The following PKHD1 variants were observed in gnomAD, a reference collection of about 807,000 sequenced individuals.
PKHD1 encodes the protein PKHD1 ciliary IPT domain containing fibrocystin/polyductin, also known as fibrocystin.
Under a neutral mutation model 412.0 loss-of-function variants are expected in PKHD1, and 291 were observed. That is an observed-to-expected ratio of 0.71 (90% CI 0.64 to 0.78). The LOEUF (loss-of-function observed/expected upper bound fraction) is 0.78. PKHD1 is among the 30% of genes least tolerant of loss of function. The pLI, the probability that PKHD1 is intolerant of heterozygous loss-of-function variation, is 0.00. For synonymous variants in PKHD1, 1,777 were observed against 1,821.5 expected (o/e 0.98, Z 0.62); for missense variants, 4,825 against 4,950.7 (o/e 0.97, Z 0.76).
chr6:51,741,093 T>C, intron 60 of PKHD1: 1 of 518,742 alleles, frequency 1.9e-6, no homozygotes, highest in Non-Finnish European at 3.8e-6. Context: ...TTGACAGCCA[T>C]GGTAAAGAAC....
intron 52 of PKHD1, among the ~76,000 whole-genome samples, chr6:51,791,849 A>G (rs368384715): frequency 1.2e-4 from 19 of 152,164 alleles, no homozygotes; most frequent in East Asian, 7.7e-4. Context: ...TCATCTGTGG[A>G]ATGGGAATAA....
chr6:51,774,083 C>A (rs1392372119), intron 54 of PKHD1, among the ~76,000 whole-genome samples: 2 of 151,848 alleles, frequency 1.3e-5, no homozygotes, highest in East Asian at 1.9e-4. Context: ...AGATTTTCAA[C>A]CAAAGCATTT....
intron 35 of PKHD1, among the ~76,000 whole-genome samples, chr6:51,974,006 T>C (rs1046918806): frequency 6.6e-6 from 1 of 152,172 alleles, no homozygotes; most frequent in African/African-American, 2.4e-5. Context: ...AAAGTGATTT[T>C]TGGTCTTTTA....
chr6:51,894,550 T>C (rs753698569), intron 43 of PKHD1, among the ~76,000 whole-genome samples: 4 of 152,120 alleles, frequency 2.6e-5, no homozygotes, highest in Admixed American at 6.6e-5. Flanking sequence ...ATTCCTTATG[T>C]TGTGGCTGAG....
intron 37 of PKHD1, among the ~76,000 whole-genome samples, chr6:51,915,065 G>T (rs980995257): frequency 6.6e-6 from 1 of 152,054 alleles, no homozygotes; most frequent in African/African-American, 2.4e-5. Context: ...TTGTGTGGGG[G>T]AGGAAGTTTG....
chr6:51,885,839 C>T, intron 45 of PKHD1, 28 bp downstream of exon 45: 4 of 1,396,596 alleles, frequency 2.9e-6, no homozygotes, highest in Non-Finnish European at 4.1e-6. Context: ...AAAACAACAA[C>T]AATAACAACA....
chr6:51,819,094 T>C (rs1039069385), intron 52 of PKHD1, among the ~76,000 whole-genome samples: 2 of 152,114 alleles, frequency 1.3e-5, no homozygotes, highest in Admixed American at 6.6e-5. Flanking sequence ...CCCAGAATGG[T>C]CGTGAGTGTT....
intron 60 of PKHD1, among the ~76,000 whole-genome samples, chr6:51,740,768 A>G (rs138805900): frequency 9.0e-4 from 137 of 152,334 alleles, no homozygotes; most frequent in African/African-American, 3.0e-3. Flanking sequence ...GAAGTCAAAG[A>G]AAAATACTGC....
chr6:51,886,840 C>T (rs917357884), intron 44 of PKHD1, among the ~76,000 whole-genome samples: 1 of 152,080 alleles, frequency 6.6e-6, no homozygotes, highest in African/African-American at 2.4e-5. Context: ...AATAATAATT[C>T]AAATAAAGAG....
intron 22 of PKHD1, among the ~76,000 whole-genome samples, chr6:52,049,449 A>C (rs542591177): frequency 1.3e-5 from 2 of 152,352 alleles, no homozygotes; most frequent in South Asian, 4.1e-4. Flanking sequence ...ATGTGTATAC[A>C]CATATATACA....
chr6:51,866,896 C>T (rs565698267), intron 48 of PKHD1, among the ~76,000 whole-genome samples: 1 of 152,192 alleles, frequency 6.6e-6, no homozygotes, highest in Admixed American at 6.5e-5. Context: ...GAATTGGGCT[C>T]ATTAACGTCA....
At position 51,689,518 on chromosome 6, in the gene PKHD1, T is replaced by C. The variant is rs138294312; in HGVS notation, c.10157-29549A>G. ...AGGGCAATTAGGCAAGAGAAAGAAA[T>C]AAAGAGCATCCAAATAGGAAGAGAA... On this transcript the variant is annotated intron_variant, in intron 60 of 66. Transcript: ENST00000371117. Among the ~76,000 whole-genome samples, 1,104 of 152,224 alleles carry C rather than the reference T, an allele frequency of 7.3e-3. 12 individuals are homozygous for C. Among genetic ancestry groups the C allele is most frequent in the African/African-American group, 0.025 (1,054 of 41,522 alleles).
chr6:51,887,108 CAT>C (rs765722472), intron 44 of PKHD1, 23 bp downstream of exon 44: 5 of 1,394,234 alleles, frequency 3.6e-6, no homozygotes, highest in Admixed American at 1.7e-5. Context: ...ACAGCCAAAA[CAT>C]AGATGAATTT....
chr6:51,675,617 A>T (rs1222006557), intron 60 of PKHD1, among the ~76,000 whole-genome samples: 1 of 152,180 alleles, frequency 6.6e-6, no homozygotes, highest in African/African-American at 2.4e-5. Flanking sequence ...GGGTGCTTGT[A>T]AGAGGGGCTG....
chr6:52,014,500 CATGGATGGATGG>C lies in PKHD1; in HGVS notation c.5600+2898_5600+2909del, dbSNP rs559212704. On this transcript the variant is annotated intron_variant, in intron 34 of 66. Transcript: ENST00000371117. ...ATCAATACTGGATAGATGGATGGAT[CATGGATGGATGG>C]ATGGATGGATGGATGGAGAGATGGA... 4.0e-5 allele frequency among the ~76,000 whole-genome samples: 6 copies of C among 151,690 alleles called. No homozygotes were observed. The East Asian group carries it at 5.8e-4, about 15-fold the overall frequency.
chr6:51,806,941 G>T (rs1437042051), intron 52 of PKHD1, among the ~76,000 whole-genome samples: 4 of 151,940 alleles, frequency 2.6e-5, no homozygotes, highest in Admixed American at 2.6e-4. Flanking sequence ...GAAGAAAGGG[G>T]TGCTGCAATT....
intron 36 of PKHD1, among the ~76,000 whole-genome samples, chr6:51,937,140 G>A (rs146254752): frequency 6.6e-6 from 1 of 152,270 alleles, no homozygotes; most frequent in African/African-American, 2.4e-5. Context: ...CCCTTCTGTT[G>A]ATTCCAGGTC....
chr6:51,758,024 G>C (rs1051343516), intron 55 of PKHD1, among the ~76,000 whole-genome samples: 11 of 131,046 alleles, frequency 8.4e-5, no homozygotes, highest in African/African-American at 3.0e-4. Context: ...AAGAGAGAGA[G>C]AGAGAGAGAG....
intron 29 of PKHD1, among the ~76,000 whole-genome samples, chr6:52,029,196 A>G (rs1428720982): frequency 2.0e-5 from 3 of 151,854 alleles, no homozygotes; most frequent in Non-Finnish European, 4.4e-5. Context: ...CTCAGCAGCC[A>G]CAGCCTCATA....
Sources: allele counts gnomAD v4.1 joint callset (sites outside exome capture counted in the v4.1 genomes callset), GRCh38; gene constraint gnomAD v4.1.1; transcripts MANE v1.5; gene names NCBI Gene and HGNC (gene_info 2026-07-23, HGNC 2026-07-21).